KMT2E: variants seen among roughly 807,000 people sequenced by gnomAD.
The protein encoded by KMT2E is lysine methyltransferase 2E (inactive).
Under a neutral mutation model 184.6 loss-of-function variants are expected in KMT2E, and 30 were observed. That is an observed-to-expected ratio of 0.16 (90% CI 0.12 to 0.22). KMT2E has a LOEUF of 0.22. KMT2E is among the 10% of genes least tolerant of loss of function. The pLI is 1.00. For synonymous variants in KMT2E, 815 were observed against 776.5 expected (o/e 1.05, Z -0.82); for missense variants, 2,023 against 2,237.4 (o/e 0.90, Z 1.93).
chr7:105,037,813 A>G (rs1281556516), intron 1 of KMT2E, among the ~76,000 whole-genome samples: 1 of 151,610 alleles, frequency 6.6e-6, no homozygotes, highest in East Asian at 1.9e-4. Flanking sequence ...TTGTTTTGGT[A>G]TTGTTGCCTT....
Position 105,027,074 on chromosome 7 carries a change from CTTTTTTTTTTTT to C in KMT2E, c.-188-11039_-188-11028del, listed in dbSNP as rs34930855. On this transcript the variant is annotated intron_variant, in intron 1 of 26. Coordinates refer to ENST00000311117, the MANE Select transcript of KMT2E (RefSeq NM_182931.3). ...TCCCTTTGCAGAAAGGCCCCGCCCTCTTTTTTTTTTTTTTTTTTTTTTTTGGAGACAGGGTCT... is the reference window on the plus strand; with the variant it reads ...TCCCTTTGCAGAAAGGCCCCGCCCTCTTTTTTTTTTTTGGAGACAGGGTCT... Among the ~76,000 whole-genome samples the C allele has an allele frequency of 3.0e-3, 245 of 81,952 alleles. 6 individuals are homozygous for C. Among genetic ancestry groups the C allele is most frequent in the African/African-American group, 0.013 (238 of 18,658 alleles). 53.8% of individuals were successfully genotyped at this position (81,952 alleles called of 152,430 possible).
intron 18 of KMT2E, 36 bp from the exon 19 acceptor site, chr7:105,105,822 GT>G (rs1461594531): frequency 1.3e-6 from 2 of 1,595,446 alleles, no homozygotes; most frequent in East Asian, 4.5e-5. Context: ...CAGCTACAAA[GT>G]GATTCCTGTT....
intron 3 of KMT2E, among the ~76,000 whole-genome samples, chr7:105,055,192 G>C (rs1313383695): frequency 6.7e-6 from 1 of 148,608 alleles, no homozygotes; most frequent in African/African-American, 2.5e-5. Context: ...GGCTCTGTGT[G>C]TGTGGTTTTT....
chr7:105,035,395 C>T (rs1723950478), intron 1 of KMT2E, among the ~76,000 whole-genome samples: 1 of 151,362 alleles, frequency 6.6e-6, no homozygotes, highest in African/African-American at 2.4e-5. Flanking sequence ...TCTCGAACTC[C>T]TGACCTCAAA....
At chr7:105,023,051 CA>C (rs1795017760) in intron 1 of KMT2E, among the ~76,000 whole-genome samples, 1 of 152,144 alleles carries the variant, frequency 6.6e-6, no homozygotes, top group Admixed American at 6.5e-5. Context: ...AACACACACA[CA>C]AAAGATGTGC....
chr7:105,054,006 CT>C (rs1393755520), intron 3 of KMT2E, among the ~76,000 whole-genome samples: 1 of 152,076 alleles, frequency 6.6e-6, no homozygotes, highest in African/African-American at 2.4e-5. Context: ...TACCTGGTCT[CT>C]ACTAAAAATA....
intron 13 of KMT2E, among the ~76,000 whole-genome samples, chr7:105,087,480 G>A (rs1449945365): frequency 2.0e-5 from 3 of 149,882 alleles, no homozygotes; most frequent in African/African-American, 7.4e-5. Context: ...CTGGAGTGCA[G>A]TGGCGCGATC....
chr7:105,077,526 T>G, intron 11 of KMT2E, 93 bp downstream of exon 11: 1 of 945,538 alleles, frequency 1.1e-6, no homozygotes, highest in Non-Finnish European at 1.6e-6. Context: ...ATGTACTTTT[T>G]TTCCTACATG....
intron 13 of KMT2E, among the ~76,000 whole-genome samples, chr7:105,083,960 C>T (rs1489280063): frequency 1.3e-5 from 2 of 152,038 alleles, no homozygotes; most frequent in Admixed American, 6.6e-5. Flanking sequence ...CATTTAATGA[C>T]TTCACTTTTT....
chr7:105,052,988 A>G (rs1796409056), intron 3 of KMT2E, among the ~76,000 whole-genome samples: 1 of 152,196 alleles, frequency 6.6e-6, no homozygotes, highest in African/African-American at 2.4e-5. Flanking sequence ...AGATAGAACT[A>G]CAGCTAAACG....
chr7:105,039,678 T>G (rs1275249568), intron 2 of KMT2E, among the ~76,000 whole-genome samples: 1 of 152,224 alleles, frequency 6.6e-6, no homozygotes, highest in Non-Finnish European at 1.5e-5. Context: ...CCTTGAACTT[T>G]TAAACTATGT....
chr7:105,019,328 A>G (rs1263588848), intron 1 of KMT2E, among the ~76,000 whole-genome samples: 1 of 152,118 alleles, frequency 6.6e-6, no homozygotes, highest in Non-Finnish European at 1.5e-5. Context: ...TTTTTCCCTC[A>G]TGAACAGCTC....
chr7:105,030,490 C>A (rs966670520), intron 1 of KMT2E, among the ~76,000 whole-genome samples: 1 of 152,140 alleles, frequency 6.6e-6, no homozygotes, highest in Non-Finnish European at 1.5e-5. Context: ...AACAAGATAA[C>A]CTGATAAAAT....
chr7:105,091,384 A>T (rs766352703), intron 15 of KMT2E, 70 bp downstream of exon 15: 4 of 848,186 alleles, frequency 4.7e-6, no homozygotes, highest in Non-Finnish European at 8.2e-6. Context: ...TGCTGCCTTT[A>T]CATGGGCTTT....
chr7:105,016,801 T>C (rs1759888439), intron 1 of KMT2E, among the ~76,000 whole-genome samples: 7 of 152,210 alleles, frequency 4.6e-5, no homozygotes, highest in Admixed American at 4.6e-4. Context: ...GTAAATATTT[T>C]AGAGCAGCAT....
At chr7:105,018,580 G>A (rs939922604) in intron 1 of KMT2E, among the ~76,000 whole-genome samples, 1 of 152,086 alleles carries the variant, frequency 6.6e-6, no homozygotes, top group Non-Finnish European at 1.5e-5. Context: ...TTTCATGATA[G>A]ATTATCTATG....
At position 105,067,079 on chromosome 7, in the gene KMT2E, A is replaced by G. The variant is rs796113674; in HGVS notation, c.497+272A>G. Reference sequence around the variant, plus strand: ...CTCTTTTTTTTTTAAAAAAAAAAAAAAAAAAGAAAAAGAAAAAAGGAGAAT... The same window carrying G: ...CTCTTTTTTTTTTAAAAAAAAAAAAGAAAAAGAAAAAGAAAAAAGGAGAAT... On this transcript the variant is annotated intron_variant, in intron 6 of 26. Transcript: ENST00000311117. Among the ~76,000 whole-genome samples the G allele has an allele frequency of 2.0e-5, 3 of 149,940 alleles. No homozygotes were observed. The East Asian group carries it at 5.9e-4, about 29-fold the overall frequency.
Position 105,111,990 on chromosome 7 carries a change from T to C in KMT2E, c.4234T>C (p.Ser1412Pro), listed in dbSNP as rs759076079. The change falls in exon 27 of 27, where the codon TCA (serine) becomes CCA (proline). Residue 1412 changes from serine to proline, a missense_variant. Physicochemically the swap from Ser to Pro is moderately conservative, Grantham distance 74 (BLOSUM62 -1). Coordinates refer to ENST00000311117, the MANE Select transcript of KMT2E (RefSeq NM_182931.3). ...KQLSNNNQAL[S>P]KNHPPQTHVR... Reference sequence around the variant, plus strand: ...GCTATCAAATAACAACCAAGCACTTTCAAAGAATCATCCTCCTCAGACACA... The same window carrying C: ...GCTATCAAATAACAACCAAGCACTTCCAAAGAATCATCCTCCTCAGACACA... The C allele has an allele frequency of 1.2e-6, 2 of 1,614,164 alleles. No individual in the cohort carries two copies. Among genetic ancestry groups the C allele is most frequent in the East Asian group, 2.2e-5 (1 of 44,888 alleles).
chr7:105,059,405 A>G (rs1172235682), intron 3 of KMT2E, among the ~76,000 whole-genome samples: 2 of 152,234 alleles, frequency 1.3e-5, no homozygotes, highest in African/African-American at 4.8e-5. Flanking sequence ...AAAGAATTTA[A>G]AAAGTGTCAC....
Sources: allele counts gnomAD v4.1 joint callset (sites outside exome capture counted in the v4.1 genomes callset), GRCh38; gene constraint gnomAD v4.1.1; transcripts MANE v1.5; gene names NCBI Gene and HGNC (gene_info 2026-07-23, HGNC 2026-07-21).